ENOX2: variants seen among roughly 807,000 people sequenced by gnomAD.
ENOX2 encodes APK1 antigen.
Under a neutral mutation model 45.0 loss-of-function variants are expected in ENOX2, and 36 were observed. That is an observed-to-expected ratio of 0.80 (90% CI 0.61 to 1.06). ENOX2 has a LOEUF of 1.06. Among genes scored for constraint, ENOX2 ranks in the 50% least tolerant of loss-of-function variants. The probability of loss-of-function intolerance (pLI) is 0.00; values close to 1 mark genes in which losing one functional copy is unlikely to be tolerated. For synonymous variants in ENOX2, 174 were observed against 152.3 expected (o/e 1.14, Z -1.05); for missense variants, 423 against 462.5 (o/e 0.91, Z 0.78).
chrX:130,804,966 A>G (rs1281380942), intron 2 of ENOX2, among the ~76,000 whole-genome samples: 3 of 111,082 alleles, frequency 2.7e-5, no homozygotes, highest in Non-Finnish European at 5.7e-5. Flanking sequence ...AGGGGTGATT[A>G]GGTTGACATC....
chrX:130,656,893 A>G (rs2036562298), intron 9 of ENOX2, among the ~76,000 whole-genome samples, 198 bp from the exon 10 acceptor site: 1 of 111,936 alleles, frequency 8.9e-6, no homozygotes, highest in Non-Finnish European at 1.9e-5. Context: ...TCTGTCTTGC[A>G]TTAGGCTTTC....
chrX:130,632,965 T>C (rs749666182), intron 12 of ENOX2, among the ~76,000 whole-genome samples: 27 of 111,871 alleles, frequency 2.4e-4, no homozygotes, highest in Non-Finnish European at 4.7e-4. Context: ...AGTGTGAGAG[T>C]TTAACAGATT....
At chrX:130,626,313 G>C (rs2035545632) in intron 14 of ENOX2, among the ~76,000 whole-genome samples, 1 of 111,919 alleles carries the variant, frequency 8.9e-6, no homozygotes, top group Non-Finnish European at 1.9e-5. Context: ...GCACATTCCA[G>C]GGTATCATAT....
chrX:130,628,988 T>C (rs1398553489), intron 13 of ENOX2, among the ~76,000 whole-genome samples: 1 of 110,388 alleles, frequency 9.1e-6, no homozygotes, highest in Non-Finnish European at 1.9e-5. Flanking sequence ...TGTCAGGAAA[T>C]AAAAGCAAAA....
chrX:130,720,845 C>T (rs988474542), intron 3 of ENOX2, among the ~76,000 whole-genome samples: 1 of 111,142 alleles, frequency 9.0e-6, no homozygotes, highest in Non-Finnish European at 1.9e-5. Context: ...AAATAAAGAC[C>T]AAACAAGCCT....
chrX:130,816,959 A>G (rs2077499340), intron 2 of ENOX2, among the ~76,000 whole-genome samples: 1 of 112,074 alleles, frequency 8.9e-6, no homozygotes, highest in African/African-American at 3.2e-5. Context: ...CCCTTCAAAA[A>G]GAAAATCAAT....
intron 2 of ENOX2, 104 bp downstream of exon 2, chrX:130,901,580 A>G (rs927588816): frequency 4.5e-5 from 5 of 111,993 alleles, no homozygotes; most frequent in Non-Finnish European, 9.4e-5. Flanking sequence ...CGATGTCTCT[A>G]GGCTTTAAAG....
intron 2 of ENOX2, among the ~76,000 whole-genome samples, chrX:130,885,408 T>C (rs2078883872): frequency 8.9e-6 from 1 of 111,909 alleles, no homozygotes; most frequent in African/African-American, 3.3e-5. Context: ...ATCATATCAC[T>C]GACCTCACAC....
intron 4 of ENOX2, among the ~76,000 whole-genome samples, chrX:130,699,323 G>T (rs2037841017): frequency 8.9e-6 from 1 of 112,194 alleles, no homozygotes; most frequent in African/African-American, 3.2e-5. Flanking sequence ...CATGACAAGT[G>T]TGTGTCCAAG....
Position 130,637,425 on chromosome X carries a change from A to G in ENOX2, c.1130-15T>C. ...TGATACTAAGGCTAACAATCAATAT[A>G]AAATATGAAACCATATATCCAGATT... On this transcript the variant is annotated splice_polypyrimidine_tract_variant and intron_variant, in intron 10 of 14. Coordinates refer to ENST00000394363, the MANE Select transcript of ENOX2 (RefSeq NM_006375.4). 1.7e-6 allele frequency: 2 copies of G among 1,181,155 alleles called. No homozygotes were observed. Among genetic ancestry groups the G allele is most frequent in the Non-Finnish European group, 2.3e-6 (2 of 871,138 alleles).
chrX:130,784,934 A>G (rs1012824719), intron 2 of ENOX2, among the ~76,000 whole-genome samples: 5 of 109,011 alleles, frequency 4.6e-5, no homozygotes, highest in Non-Finnish European at 9.5e-5. Context: ...CCATAGCTGT[A>G]CAATTCTTGA....
intron 8 of ENOX2, among the ~76,000 whole-genome samples, chrX:130,666,386 C>T (rs1428501383): frequency 9.0e-6 from 1 of 111,612 alleles, no homozygotes; most frequent in East Asian, 2.8e-4. Flanking sequence ...TTTTCAAGGT[C>T]TCTTAAAATG....
intron 2 of ENOX2, among the ~76,000 whole-genome samples, chrX:130,892,568 T>C (rs1419869743): frequency 1.8e-5 from 2 of 112,730 alleles, no homozygotes; most frequent in African/African-American, 6.4e-5. Flanking sequence ...GGTTTTATCA[T>C]GATTCTTCCT....
chrX:130,776,180 T>A (rs2039852251), intron 3 of ENOX2, among the ~76,000 whole-genome samples: 1 of 111,832 alleles, frequency 8.9e-6, no homozygotes, highest in Admixed American at 9.5e-5. Context: ...AGAATCCTCT[T>A]ACTCTGAAAT....
chrX:130,695,737 A>G (rs186280867), intron 4 of ENOX2, among the ~76,000 whole-genome samples: 1 of 112,347 alleles, frequency 8.9e-6, no homozygotes, highest in Admixed American at 9.4e-5. Flanking sequence ...TTCCTACAAA[A>G]TTCATTGGAA....
At chrX:130,665,099 A>G (rs774699071) in intron 9 of ENOX2, among the ~76,000 whole-genome samples, 2 of 112,321 alleles carry the variant, frequency 1.8e-5, no homozygotes, top group Non-Finnish European at 3.8e-5. Context: ...GTGTTATGCT[A>G]AAAATGTCAC....
At chrX:130,750,779 T>G (rs1267964958) in intron 3 of ENOX2, among the ~76,000 whole-genome samples, 4 of 111,647 alleles carry the variant, frequency 3.6e-5, no homozygotes, top group Non-Finnish European at 7.5e-5. Context: ...TTTCCCTCTG[T>G]ATCTGTCTTT....
chrX:130,778,269 C>G (rs2039902813), intron 3 of ENOX2, among the ~76,000 whole-genome samples: 1 of 111,860 alleles, frequency 8.9e-6, no homozygotes, highest in South Asian at 3.7e-4. Context: ...TCCAAGTGAG[C>G]CTGAACAAGT....
chrX:130,637,365 A>G lies in ENOX2; in HGVS notation c.1175T>C (p.Leu392Pro). 1 of 1,211,059 alleles carries G rather than the reference A, an allele frequency of 8.3e-7. No homozygotes were observed. The highest frequency in any genetic ancestry group is 1.8e-5 in the South Asian group (1 of 56,949). ...AEALKEENDS[L>P]RWQLDAYRNE... ...CCGGTAGGCATCGAGCTGCCAACGGAGGCTGTCATTTTCTTCCTTCAGAGC... is the reference window on the plus strand; with the variant it reads ...CCGGTAGGCATCGAGCTGCCAACGGGGGCTGTCATTTTCTTCCTTCAGAGC... Residue 392 changes from leucine (L) to proline (P), a missense_variant, in exon 11 of 15, where the codon CTC (leucine) becomes CCC (proline). This residue lies in a region of ENOX2 where 13 missense variants were observed against 29.8 expected (regional missense o/e 0.44). Coordinates refer to ENST00000394363, the MANE Select transcript of ENOX2 (RefSeq NM_006375.4).
Sources: allele counts gnomAD v4.1 joint callset (sites outside exome capture counted in the v4.1 genomes callset), GRCh38; gene constraint gnomAD v4.1.1; regional missense constraint gnomAD v4.1.1; transcripts MANE v1.5; gene names NCBI Gene and HGNC (gene_info 2026-07-23, HGNC 2026-07-21).